The following GCSAML variants were observed in gnomAD, a reference collection of about 807,000 sequenced individuals.
The protein encoded by GCSAML is germinal center associated signaling and motility like, also known as germinal center-associated signaling and motility-like protein.
A neutral mutation model predicts 13.0 loss-of-function variants in GCSAML; 9 were observed. The observed-to-expected ratio is 0.69, with a 90% CI of 0.42 to 1.21. The LOEUF (loss-of-function observed/expected upper bound fraction) is 1.21. Among genes scored for constraint, GCSAML ranks in the 50% most tolerant of loss-of-function variants. GCSAML has a pLI of 0.00. For missense variants in GCSAML, 143 were observed against 153.4 expected (o/e 0.93, Z 0.36); for synonymous variants, 37 against 52.9 (o/e 0.70, Z 1.31).
intron 1 of GCSAML, among the ~76,000 whole-genome samples, chr1:247,513,297 T>C (rs2103299166): frequency 6.6e-6 from 1 of 152,242 alleles, no homozygotes; most frequent in Middle Eastern, 3.4e-3. Flanking sequence ...CCCGGTGGCT[T>C]TGTTAACACA....
At chr1:247,511,324 T>A (rs1172432607) in intron 1 of GCSAML, among the ~76,000 whole-genome samples, 10 of 152,158 alleles carry the variant, frequency 6.6e-5, no homozygotes, top group Admixed American at 6.5e-4. Context: ...TTATCAGAGA[T>A]CAGGATTGCA....
chr1:247,541,183 A>AT (rs71757622), intron 2 of GCSAML, among the ~76,000 whole-genome samples: 11 of 150,982 alleles, frequency 7.3e-5, no homozygotes, highest in South Asian at 2.1e-4. Flanking sequence ...AGCTTTTTCA[A>AT]TTTTTTTTTT....
chr1:247,565,706 T>C lies in GCSAML; in HGVS notation c.140-225T>C, dbSNP rs1301849132. The stretch of plus-strand genomic sequence containing the variant: ...CTTTATTTACAGAAAGAACATACTA[T>C]TGATGCTATCTCAGAACACATGTTC... On this transcript the variant is annotated intron_variant, in intron 3 of 4. Coordinates refer to ENST00000366488, the MANE Select transcript of GCSAML (RefSeq NM_145278.5). The C allele has an allele frequency of 1.6e-5, 8 of 487,348 alleles. No homozygotes were observed. In the Admixed American group the frequency reaches 3.0e-4, roughly 18 times the overall value. The allele number at this position is 487,348 out of a possible 1,614,324, so 30.2% of individuals were successfully genotyped here. A position where few individuals can be genotyped will look rare whatever the true frequency, so the allele number is the denominator to read the frequency against.
At chr1:247,508,168 C>T (rs925188344) in intron 1 of GCSAML, among the ~76,000 whole-genome samples, 25 of 152,190 alleles carry the variant, frequency 1.6e-4, no homozygotes, top group African/African-American at 5.8e-4. Flanking sequence ...ACATCCTCTC[C>T]AGCATCTGTT....
Position 247,574,585 on chromosome 1 carries a change from A to T in GCSAML, c.*203A>T. 1.7e-6 allele frequency: 1 copy of T among 582,618 alleles called. No individual in the cohort carries two copies. The allele number at this position is 582,618 out of a possible 1,614,324, so 36.1% of individuals were successfully genotyped here. On this transcript the variant is annotated 3_prime_UTR_variant, in exon 5 of 5. Coordinates refer to ENST00000366488, the MANE Select transcript of GCSAML (RefSeq NM_145278.5). Reference sequence around the variant, plus strand: ...TGAAATCATAGAAATTGACACAATGACCTAAAATATTCTATGTGTTTTTGC... The same window carrying T: ...TGAAATCATAGAAATTGACACAATGTCCTAAAATATTCTATGTGTTTTTGC...
intron 4 of GCSAML, among the ~76,000 whole-genome samples, chr1:247,566,953 G>A (rs1422781928): frequency 6.6e-6 from 1 of 151,788 alleles, no homozygotes; most frequent in African/African-American, 2.4e-5. Context: ...GTGAACGAAA[G>A]TATAGAAGTG....
chr1:247,558,458 A>C (rs1302121073), intron 2 of GCSAML, among the ~76,000 whole-genome samples: 1 of 152,162 alleles, frequency 6.6e-6, no homozygotes, highest in Non-Finnish European at 1.5e-5. Flanking sequence ...CAGTTTGATA[A>C]GTTTAGGAAA....
chr1:247,520,018 T>G (rs1376797212), intron 1 of GCSAML, among the ~76,000 whole-genome samples: 1 of 152,256 alleles, frequency 6.6e-6, no homozygotes, highest in African/African-American at 2.4e-5. Context: ...TTTTGACATT[T>G]CTGAAGTAGG....
At chr1:247,513,184 C>A (rs1461217191) in intron 1 of GCSAML, among the ~76,000 whole-genome samples, 5 of 152,174 alleles carry the variant, frequency 3.3e-5, no homozygotes, top group Admixed American at 2.6e-4. Context: ...GGGGCTGTTG[C>A]CTTTCTTTCA....
chr1:247,523,997 T>TACACACACACACACACACAC (rs34257635), intron 1 of GCSAML, among the ~76,000 whole-genome samples: 6 of 147,742 alleles, frequency 4.1e-5, no homozygotes, highest in South Asian at 4.4e-4. Flanking sequence ...ACATCTGTCT[T>TACACACACACACACACACAC]ACACACACAC....
At chr1:247,542,993 A>C (rs1382868693) in intron 2 of GCSAML, among the ~76,000 whole-genome samples, 1 of 152,232 alleles carries the variant, frequency 6.6e-6, no homozygotes, top group Non-Finnish European at 1.5e-5. Context: ...GAGGAAGCAC[A>C]TATTCTGCAA....
chr1:247,519,778 A>G (rs766470665), intron 1 of GCSAML, among the ~76,000 whole-genome samples: 8 of 152,244 alleles, frequency 5.3e-5, no homozygotes, highest in Non-Finnish European at 1.0e-4. Context: ...CAAGCTTCCA[A>G]GCAACCCATA....
chr1:247,538,109 G>A (rs1413388645), intron 2 of GCSAML, among the ~76,000 whole-genome samples: 4 of 152,092 alleles, frequency 2.6e-5, no homozygotes, highest in African/African-American at 9.7e-5. Flanking sequence ...ACTTCTAAGA[G>A]TTTATAATTT....
intron 1 of GCSAML, among the ~76,000 whole-genome samples, chr1:247,510,112 G>GC (rs1208586854): frequency 2.0e-5 from 3 of 152,168 alleles, no homozygotes; most frequent in Non-Finnish European, 4.4e-5. Flanking sequence ...GTAGAATTCA[G>GC]CTGTGAATCC....
At chr1:247,543,743 G>C (rs1479427958) in intron 2 of GCSAML, among the ~76,000 whole-genome samples, 2 of 152,090 alleles carry the variant, frequency 1.3e-5, no homozygotes, top group African/African-American at 4.8e-5. Context: ...CCAGCCATAA[G>C]TTATTGGTAG....
At chr1:247,507,829 T>A (rs1665882167) in intron 1 of GCSAML, among the ~76,000 whole-genome samples, 1 of 152,214 alleles carries the variant, frequency 6.6e-6, no homozygotes, top group Non-Finnish European at 1.5e-5. Context: ...TCCATGTCCC[T>A]GCAAAGGACA....
intron 1 of GCSAML, among the ~76,000 whole-genome samples, chr1:247,552,834 C>A (rs1297773231): frequency 7.4e-6 from 1 of 136,044 alleles, no homozygotes; most frequent in Non-Finnish European, 1.5e-5. Flanking sequence ...CGGCTCACTG[C>A]AACCTCCACC....
intron 2 of GCSAML, among the ~76,000 whole-genome samples, chr1:247,561,616 G>T (rs1668130786): frequency 6.6e-6 from 1 of 151,674 alleles, no homozygotes; most frequent in Admixed American, 6.6e-5. Flanking sequence ...TCCTGGTTTA[G>T]GCCAGTCCAT....
intron 2 of GCSAML, chr1:247,538,539 G>T (rs1334377338): frequency 6.1e-6 from 2 of 328,952 alleles, no homozygotes; most frequent in East Asian, 1.6e-4. Flanking sequence ...GCCCTTAAGG[G>T]GATAATTATG....
Sources: allele counts gnomAD v4.1 joint callset (sites outside exome capture counted in the v4.1 genomes callset), GRCh38; gene constraint gnomAD v4.1.1; transcripts MANE v1.5; gene names NCBI Gene and HGNC (gene_info 2026-07-23, HGNC 2026-07-21).